TRIM44: variants seen among roughly 807,000 people sequenced by gnomAD.
TRIM44 encodes tripartite motif containing 44.
A neutral mutation model predicts 37.4 loss-of-function variants in TRIM44; 13 were observed. The observed-to-expected ratio is 0.35, with a 90% CI of 0.23 to 0.55. The LOEUF (loss-of-function observed/expected upper bound fraction) is 0.55. Among genes scored for constraint, TRIM44 ranks in the 20% least tolerant of loss-of-function variants. TRIM44 has a pLI of 0.89. For missense variants in TRIM44, 426 were observed against 437.2 expected (o/e 0.97, Z 0.23); for synonymous variants, 175 against 157.2 (o/e 1.11, Z -0.85).
intron 2 of TRIM44, among the ~76,000 whole-genome samples, chr11:35,697,505 A>T (rs1005156064): frequency 6.7e-6 from 1 of 149,086 alleles, no homozygotes; most frequent in East Asian, 2.0e-4. Flanking sequence ...CACAATGTGC[A>T]GGTTTGGTAC....
intron 2 of TRIM44, among the ~76,000 whole-genome samples, chr11:35,716,042 G>C (rs952347339): frequency 1.3e-5 from 2 of 152,170 alleles, no homozygotes; most frequent in Non-Finnish European, 2.9e-5. Context: ...TGGGGACACA[G>C]ATCCAAACCA....
intron 4 of TRIM44, among the ~76,000 whole-genome samples, chr11:35,792,240 C>T (rs988542828): frequency 1.3e-5 from 2 of 152,166 alleles, no homozygotes; most frequent in Non-Finnish European, 1.5e-5. Flanking sequence ...CTTTGTCAGT[C>T]GTTTTCACTG....
intron 2 of TRIM44, among the ~76,000 whole-genome samples, chr11:35,706,751 T>C (rs1443764595): frequency 6.6e-6 from 1 of 151,924 alleles, no homozygotes; most frequent in Non-Finnish European, 1.5e-5. Context: ...TAGGTATTGA[T>C]GGGACATATC....
intron 4 of TRIM44, among the ~76,000 whole-genome samples, chr11:35,766,157 C>T (rs1852796689): frequency 6.6e-6 from 1 of 152,180 alleles, no homozygotes; most frequent in South Asian, 2.1e-4. Context: ...TATGTAATTT[C>T]AGCTTGCACT....
intron 4 of TRIM44, among the ~76,000 whole-genome samples, chr11:35,764,948 A>AC: frequency 6.6e-6 from 1 of 152,210 alleles, no homozygotes; most frequent in Middle Eastern, 3.4e-3. Flanking sequence ...TCCTTCTCAT[A>AC]CCCATCCCTA....
At chr11:35,688,074 AC>A (rs1564951517) in intron 2 of TRIM44, among the ~76,000 whole-genome samples, 1 of 152,142 alleles carries the variant, frequency 6.6e-6, no homozygotes, top group African/African-American at 2.4e-5. Flanking sequence ...TTCCAAGACA[AC>A]CCTTAAGTTT....
At chr11:35,739,409 A>C (rs909276934) in intron 4 of TRIM44, among the ~76,000 whole-genome samples, 1 of 152,184 alleles carries the variant, frequency 6.6e-6, no homozygotes, top group Non-Finnish European at 1.5e-5. Flanking sequence ...ACTATCTTCA[A>C]AATGGCAGCA....
intron 4 of TRIM44, among the ~76,000 whole-genome samples, chr11:35,756,440 G>T (rs1330594320): frequency 6.6e-6 from 1 of 152,196 alleles, no homozygotes. Flanking sequence ...ATATAATCAT[G>T]TCATCTGCAA....
intron 1 of TRIM44, among the ~76,000 whole-genome samples, chr11:35,675,467 G>A (rs1851449983): frequency 6.6e-6 from 1 of 152,156 alleles, no homozygotes; most frequent in South Asian, 2.1e-4. Flanking sequence ...CATCCTTACT[G>A]TGTCATGGGC....
chr11:35,679,692 CTTTATT>C (rs1201182958), intron 1 of TRIM44, among the ~76,000 whole-genome samples: 1 of 152,130 alleles, frequency 6.6e-6, no homozygotes, highest in Non-Finnish European at 1.5e-5. Flanking sequence ...AGCTAGAAAT[CTTTATT>C]TTTATGTCAT....
chr11:35,773,055 G>A (rs528038585), intron 4 of TRIM44, among the ~76,000 whole-genome samples: 5 of 152,128 alleles, frequency 3.3e-5, no homozygotes, highest in African/African-American at 7.2e-5. Context: ...TCTCATGGTC[G>A]TGAATAAGGC....
intron 2 of TRIM44, among the ~76,000 whole-genome samples, chr11:35,711,631 C>T (rs1382856237): frequency 6.6e-6 from 1 of 152,048 alleles, no homozygotes; most frequent in Non-Finnish European, 1.5e-5. Context: ...AGGCACATGC[C>T]TATTGTCCCA....
rs1375449430 is a variant in TRIM44, at chr11:35,735,355, A to G, written c.988-71A>G. Reference sequence around the variant, plus strand: ...CATTCAGGTTGGGAGAGGGGAGGGAAAAGAAAGAAATCTGACTCTGTCTGT... The same window carrying G: ...CATTCAGGTTGGGAGAGGGGAGGGAGAAGAAAGAAATCTGACTCTGTCTGT... On this transcript the variant is annotated intron_variant, in intron 3 of 4. Transcript: ENST00000299413. 18 of 1,553,252 alleles carry G rather than the reference A, an allele frequency of 1.2e-5. No individual in the cohort carries two copies. The East Asian group carries it at 4.0e-4, about 35-fold the overall frequency.
At chr11:35,766,459 A>T (rs1486613614) in intron 4 of TRIM44, among the ~76,000 whole-genome samples, 2 of 152,216 alleles carry the variant, frequency 1.3e-5, no homozygotes, top group African/African-American at 2.4e-5. Context: ...AGAGAGACAA[A>T]CCAGCGTACA....
chr11:35,769,335 A>T (rs1852836771), intron 4 of TRIM44, among the ~76,000 whole-genome samples: 1 of 152,178 alleles, frequency 6.6e-6, no homozygotes. Context: ...CTTTCATGTA[A>T]ATAGGTCTGT....
intron 4 of TRIM44, among the ~76,000 whole-genome samples, chr11:35,749,701 A>G (rs983308304): frequency 1.3e-5 from 2 of 152,244 alleles, no homozygotes; most frequent in African/African-American, 4.8e-5. Context: ...CAAACAGAGC[A>G]GTAGAGGTTG....
chr11:35,739,017 G>A (rs1159448751), intron 4 of TRIM44, among the ~76,000 whole-genome samples: 4 of 152,132 alleles, frequency 2.6e-5, no homozygotes, highest in Non-Finnish European at 5.9e-5. Context: ...CTCTCTACTA[G>A]CTGGAGTGTC....
intron 1 of TRIM44, among the ~76,000 whole-genome samples, chr11:35,670,153 A>G (rs188431038): frequency 6.6e-6 from 1 of 152,186 alleles, no homozygotes; most frequent in African/African-American, 2.4e-5. Context: ...TGAGCATGCC[A>G]TAGGCTTTGC....
At chr11:35,774,150 T>A (rs1852916674) in intron 4 of TRIM44, among the ~76,000 whole-genome samples, 1 of 152,234 alleles carries the variant, frequency 6.6e-6, no homozygotes, top group Non-Finnish European at 1.5e-5. Context: ...CCTGACTTTT[T>A]AATAATTGCC....
Sources: allele counts gnomAD v4.1 joint callset (sites outside exome capture counted in the v4.1 genomes callset), GRCh38; gene constraint gnomAD v4.1.1; transcripts MANE v1.5; gene names NCBI Gene and HGNC (gene_info 2026-07-23, HGNC 2026-07-21).